CYC1: variants seen among roughly 807,000 people sequenced by gnomAD.
CYC1 encodes cytochrome c1, also known as cytochrome c1, heme protein, mitochondrial.
A neutral mutation model predicts 33.8 loss-of-function variants in CYC1; 10 were observed. That is an observed-to-expected ratio of 0.30 (90% confidence interval 0.18 to 0.50). The LOEUF is 0.50. Ranked by LOEUF, CYC1 falls within the 20% of genes least tolerant of loss-of-function variation. CYC1 has a pLI of 0.98. For missense variants in CYC1, 459 were observed against 437.6 expected, an observed-to-expected ratio of 1.05 and a Z score of -0.44; for synonymous variants, 224 against 181.9, an observed-to-expected ratio of 1.23 and a Z score of -1.86.
Position 144,095,123 on chromosome 8 carries a change from T to TCGCGGGGTAGTGTTGGGCC in CYC1, c.32_50dup (p.Ala18SerfsTer75). 8.3e-7 allele frequency: 1 copy of TCGCGGGGTAGTGTTGGGCC among 1,210,770 alleles called. No homozygotes were observed. The highest frequency in any genetic ancestry group is 1.0e-6 in the Non-Finnish European group (1 of 973,006). 75.0% of individuals were successfully genotyped at this position (1,210,770 alleles called of 1,614,324 possible). On this transcript the variant is annotated frameshift_variant, in exon 1 of 7. Transcript: ENST00000318911. LOFTEE classifies it high-confidence loss of function. ...AGATGGCGGCAGCTGCGGCTTCGCT[T>TCGCGGGGTAGTGTTGGGCC]CGCGGGGTAGTGTTGGGCCCGCGGG...
In CYC1 at chr8:144,097,099, C is replaced by A; in HGVS notation, c.838C>A (p.Pro280Thr). The A allele has an allele frequency of 6.2e-7, 1 of 1,611,982 alleles. No homozygotes were observed. Among genetic ancestry groups the A allele is most frequent in the Non-Finnish European group, 8.5e-7 (1 of 1,178,992 alleles). Residue 280 changes from proline to threonine, a missense_variant, in exon 6 of 7, where the codon CCA becomes ACA. Pro to Thr is a conservative substitution (Grantham distance 38). Coordinates refer to ENST00000318911, the MANE Select transcript of CYC1 (RefSeq NM_001916.5). ...CACCTTCCTGCGCTGGGCATCTGAG[C>A]CAGAGCACGACCATCGAAAACGCAT... The part of the protein sequence containing the change: ...VCTFLRWASE[P>T]EHDHRKRMGL...
At chr8:144,095,722 T>G in intron 1 of CYC1, 111 bp from the exon 2 acceptor site, 2 of 1,141,384 alleles carry the variant, frequency 1.8e-6, no homozygotes, top group East Asian at 4.7e-5. Context: ...GGTGTGCGTC[T>G]GGTGCCCTGC....
chr8:144,096,316 T>C, intron 3 of CYC1, 21 bp from the exon 4 acceptor site: 3 of 1,613,492 alleles, frequency 1.9e-6, no homozygotes, highest in Non-Finnish European at 2.5e-6. Flanking sequence ...GGCAGGGTTG[T>C]GATGAGGCTC....
intron 4 of CYC1, 38 bp downstream of exon 4, chr8:144,096,532 G>T (rs780257034): frequency 6.2e-6 from 10 of 1,613,920 alleles, no homozygotes; most frequent in Non-Finnish European, 8.5e-6. Flanking sequence ...TGGAGAGATG[G>T]GGGAAGGGCT....
chr8:144,096,272 GGGACCCA>G, intron 3 of CYC1, 22 bp downstream of exon 3: 4 of 1,613,756 alleles, frequency 2.5e-6, no homozygotes, highest in Non-Finnish European at 3.4e-6. Context: ...GGGGATGCCT[GGGACCCA>G]GGGCTCAGGG....
At position 144,096,035 on chromosome 8, in the gene CYC1, CAGCTGGCTGGCT is replaced by C. The variant is rs1190231670; in HGVS notation, c.326+7_326+18del. ...TCTTCCTTGGACCACACCAGGTGTGCAGCTGGCTGGCTGGCTGGCAGCGGGAGGTTCTGGGTG... is the reference window on the plus strand; with the variant it reads ...TCTTCCTTGGACCACACCAGGTGTGCGGCTGGCAGCGGGAGGTTCTGGGTG... On this transcript the variant is annotated splice_region_variant and intron_variant, in intron 2 of 6. Coordinates refer to ENST00000318911, the MANE Select transcript of CYC1 (RefSeq NM_001916.5). 3 of 1,600,082 alleles carry C rather than the reference CAGCTGGCTGGCT, an allele frequency of 1.9e-6. No individual in the cohort carries two copies. The highest frequency in any genetic ancestry group is 2.6e-6 in the Non-Finnish European group (3 of 1,174,688).
rs1208316105 is a variant in CYC1 at position 144,096,255 on chromosome 8, G to T, written c.453+5G>T. ...GCTAAGGAGCTGGCTGCGGAGGTGT[G>T]GGGTCTGGGGATGCCTGGGACCCAG... On this transcript the variant is annotated splice_donor_5th_base_variant and intron_variant, in intron 3 of 6. Coordinates refer to ENST00000318911, the MANE Select transcript of CYC1 (RefSeq NM_001916.5). The T allele has an allele frequency of 6.2e-7, 1 of 1,613,760 alleles. No homozygotes were observed. The highest frequency in any genetic ancestry group is 8.5e-7 in the Non-Finnish European group (1 of 1,179,832).
intron 5 of CYC1, 107 bp downstream of exon 5, chr8:144,096,851 C>T (rs1836169974): frequency 5.1e-6 from 7 of 1,360,698 alleles, no homozygotes; most frequent in Middle Eastern, 1.8e-4. Context: ...CACTTCTTGT[C>T]TGGGGCGTCT....
Position 144,096,168 on chromosome 8 carries a change from G to A in CYC1, c.371G>A (p.Cys124Tyr). The change falls in exon 3 of 7, where the codon TGC (cysteine) becomes TAC (tyrosine). Residue 124 changes from cysteine to tyrosine, a missense_variant. By Grantham distance (194) the Cys-to-Tyr change is radical (BLOSUM62 -2). Transcript: ENST00000318911. ...FQVYKQVCAS[C>Y]HSMDFVAYRH... ...GTATATAAGCAGGTGTGCGCCTCCT[G>A]CCACAGCATGGACTTCGTGGCCTAC... 1 of 1,613,948 alleles carries A rather than the reference G, an allele frequency of 6.2e-7. No individual in the cohort carries two copies. Among genetic ancestry groups the A allele is most frequent in the Non-Finnish European group, 8.5e-7 (1 of 1,179,958 alleles).
At position 144,097,438 on chromosome 8, in the gene CYC1, A is replaced by T; in HGVS notation, c.*102A>T. ...TCAGCTAAGCCTCTCTTCATCTGGA[A>T]GAAGAGGCAAGGGGGCAGGAGACCA... On this transcript the variant is annotated 3_prime_UTR_variant, in exon 7 of 7. Transcript: ENST00000318911. 1.1e-6 allele frequency: 1 copy of T among 912,174 alleles called. No individual in the cohort carries two copies. The highest frequency in any genetic ancestry group is 1.7e-6 in the Non-Finnish European group (1 of 586,032). The allele number at this position is 912,174 out of a possible 1,614,324, so 56.5% of individuals were successfully genotyped here. A position where few individuals can be genotyped will look rare whatever the true frequency, so the allele number is the denominator to read the frequency against.
In CYC1 at chr8:144,097,454, C is replaced by T. The variant is rs1465868961; in HGVS notation, c.*118C>T. 4.0e-6 allele frequency: 3 copies of T among 746,646 alleles called. No individual in the cohort carries two copies. Among genetic ancestry groups the T allele is most frequent in the East Asian group, 5.2e-5 (2 of 38,394 alleles). 46.3% of individuals were successfully genotyped at this position (746,646 alleles called of 1,614,324 possible). On this transcript the variant is annotated 3_prime_UTR_variant, in exon 7 of 7. Transcript: ENST00000318911. Reference sequence around the variant, plus strand: ...TCATCTGGAAGAAGAGGCAAGGGGGCAGGAGACCAGGCTCTAGCTCTGGGC... The same window carrying T: ...TCATCTGGAAGAAGAGGCAAGGGGGTAGGAGACCAGGCTCTAGCTCTGGGC...
chr8:144,095,795 G>C, intron 1 of CYC1, 38 bp from the exon 2 acceptor site: 1 of 1,594,346 alleles, frequency 6.3e-7, no homozygotes, highest in Non-Finnish European at 8.5e-7. Flanking sequence ...GGTAGGGCTG[G>C]GTGGTGTCCT....
chr8:144,096,802 G>GA, intron 5 of CYC1, 58 bp downstream of exon 5: 2 of 1,458,654 alleles, frequency 1.4e-6, no homozygotes, highest in Non-Finnish European at 1.9e-6. Flanking sequence ...TACCCCCAGG[G>GA]ATGCTTTCCC....
Position 144,096,421 on chromosome 8 carries a change from C to T in CYC1, c.538C>T (p.Pro180Ser), listed in dbSNP as rs1419063167. Residue 180 changes from proline to serine, a missense_variant, in exon 4 of 7, where the codon CCC (proline) becomes TCC (serine). Coordinates refer to ENST00000318911, the MANE Select transcript of CYC1 (RefSeq NM_001916.5). ...GTTCGACTATTTCCCAAAACCATAC[C>T]CCAACAGTGAGGCTGCTCGAGCTGC... is the stretch of plus-strand genomic sequence containing the variant. ...KLFDYFPKPYPNSEAARAANN... is the reference protein window; with the variant it reads ...KLFDYFPKPYSNSEAARAANN... The T allele has an allele frequency of 2.5e-6, 4 of 1,614,076 alleles. No individual in the cohort carries two copies. The South Asian group carries it at 3.3e-5, about 13-fold the overall frequency.
chr8:144,096,360 T>C lies in CYC1; in HGVS notation c.477T>C (p.Asn159=). Residue 159 remains asparagine (N), a synonymous_variant, in exon 4 of 7, where the codon AAT becomes AAC. Coordinates refer to ENST00000318911, the MANE Select transcript of CYC1 (RefSeq NM_001916.5). ...AAEVEVQDGP[N]EDGEMFMRPG... is the part of the protein sequence containing the mutation. ...AGGTGGAGGTTCAAGACGGCCCCAA[T>C]GAAGATGGGGAGATGTTCATGCGGC... 1 of 1,613,554 alleles carries C rather than the reference T, an allele frequency of 6.2e-7. No homozygotes were observed. The highest frequency in any genetic ancestry group is 8.5e-7 in the Non-Finnish European group (1 of 1,179,868).
In CYC1 at chr8:144,097,065, G is replaced by T; in HGVS notation, c.804G>T (p.Lys268Asn). Residue 268 changes from lysine to asparagine, a missense_variant, in exon 6 of 7, where the codon AAG becomes AAT. Coordinates refer to ENST00000318911, the MANE Select transcript of CYC1 (RefSeq NM_001916.5). ...CAGCTACCATGTCCCAGATAGCCAA[G>T]GATGTGTGCACCTTCCTGCGCTGGG... ...GTPATMSQIA[K>N]DVCTFLRWAS... is the part of the protein sequence containing the mutation. 1 of 1,610,818 alleles carries T rather than the reference G, an allele frequency of 6.2e-7. No homozygotes were observed. Among genetic ancestry groups the T allele is most frequent in the Non-Finnish European group, 8.5e-7 (1 of 1,178,396 alleles).
At position 144,097,393 on chromosome 8, in the gene CYC1, A is replaced by G; in HGVS notation, c.*57A>G. 27 of 1,481,042 alleles carry G rather than the reference A, an allele frequency of 1.8e-5. No individual in the cohort carries two copies. Among genetic ancestry groups the G allele is most frequent in the South Asian group, 2.3e-5 (2 of 87,374 alleles). The allele number at this position is 1,481,042 out of a possible 1,614,324, so 91.7% of individuals were successfully genotyped here. ...GAACAGGCCCTCAAGCCCAAGAGCC[A>G]TCCCAGGCCTGTTCAGGCCTCAGCT... is the stretch of plus-strand genomic sequence containing the variant. On this transcript the variant is annotated 3_prime_UTR_variant, in exon 7 of 7. Transcript: ENST00000318911.
rs558310337 is a variant in CYC1 at position 144,096,904 on chromosome 8, C to T, written c.773-130C>T. The T allele has an allele frequency of 1.6e-5, 19 of 1,162,232 alleles. No homozygotes were observed. In the African/African-American group the frequency reaches 1.7e-4, roughly 10 times the overall value. 72.0% of individuals were successfully genotyped at this position (1,162,232 alleles called of 1,614,324 possible). Reference sequence around the variant, plus strand: ...AGGCTTTTGGGCTCCTTCAGTTTTGCGTATGTCCGGTGGAGGGTACTGCCC... The same window carrying T: ...AGGCTTTTGGGCTCCTTCAGTTTTGTGTATGTCCGGTGGAGGGTACTGCCC... On this transcript the variant is annotated intron_variant, in intron 5 of 6. Coordinates refer to ENST00000318911, the MANE Select transcript of CYC1 (RefSeq NM_001916.5).
Position 144,096,253 on chromosome 8 carries a change from G to A in CYC1, c.453+3G>A, listed in dbSNP as rs772643228. 3 of 1,613,986 alleles carry A rather than the reference G, an allele frequency of 1.9e-6. No homozygotes were observed. The highest frequency in any genetic ancestry group is 2.2e-5 in the East Asian group (1 of 44,868). ...AAGCTAAGGAGCTGGCTGCGGAGGT[G>A]TGGGGTCTGGGGATGCCTGGGACCC... On this transcript the variant is annotated splice_donor_region_variant and intron_variant, in intron 3 of 6. Coordinates refer to ENST00000318911, the MANE Select transcript of CYC1 (RefSeq NM_001916.5).
Sources: gnomAD v4.1 joint callset for allele counts on GRCh38, gnomAD v4.1.1 for gene constraint, MANE v1.5 for transcripts, NCBI Gene and HGNC (gene_info 2026-07-23, HGNC 2026-07-21) for gene names.